Variants in INPP4B observed in about 807,000 individuals in gnomAD.
The protein encoded by INPP4B is inositol polyphosphate 4-phosphatase type II.
Under a neutral mutation model 122.5 loss-of-function variants are expected in INPP4B, and 55 were observed. That is an observed-to-expected ratio of 0.45 (90% CI 0.36 to 0.56). INPP4B has a LOEUF of 0.56. Ranked by LOEUF, INPP4B falls within the 20% of genes least tolerant of loss-of-function variation. The pLI, the probability that INPP4B is intolerant of heterozygous loss-of-function variation, is 0.00. For synonymous variants in INPP4B, 403 were observed against 388.7 expected (o/e 1.04, Z -0.43); for missense variants, 1,000 against 1,097.7 (o/e 0.91, Z 1.26).
chr4:142,421,506 T>C (rs987741693), intron 5 of INPP4B, among the ~76,000 whole-genome samples: 1 of 152,120 alleles, frequency 6.6e-6, no homozygotes, highest in African/African-American at 2.4e-5. Context: ...TAAAGACTTG[T>C]GTTCATTTAG....
chr4:142,450,732 G>C (rs952580064), intron 3 of INPP4B, among the ~76,000 whole-genome samples: 1 of 152,068 alleles, frequency 6.6e-6, no homozygotes, highest in Non-Finnish European at 1.5e-5. Flanking sequence ...AGATTACAAA[G>C]TAATTTCTTC....
intron 2 of INPP4B, among the ~76,000 whole-genome samples, chr4:142,536,341 T>C (rs1247500480): frequency 6.6e-6 from 1 of 152,182 alleles, no homozygotes; most frequent in African/African-American, 2.4e-5. Flanking sequence ...TTCTCCATTC[T>C]CTGCTTCAGA....
At chr4:142,525,494 C>T (rs1368856848) in intron 2 of INPP4B, among the ~76,000 whole-genome samples, 6 of 91,318 alleles carry the variant, frequency 6.6e-5, no homozygotes, top group African/African-American at 2.1e-4. Flanking sequence ...AACTATACTA[C>T]AAGGCTATAG....
chr4:142,336,788 G>A (rs1346497520), intron 7 of INPP4B, among the ~76,000 whole-genome samples: 4 of 152,208 alleles, frequency 2.6e-5, no homozygotes, highest in South Asian at 2.1e-4. Context: ...AGGCAGAGGC[G>A]CCACTGGCCA....
intron 2 of INPP4B, among the ~76,000 whole-genome samples, chr4:142,579,314 C>G (rs1425662623): frequency 6.6e-6 from 1 of 151,946 alleles, no homozygotes; most frequent in Non-Finnish European, 1.5e-5. Context: ...CAAAGATGGC[C>G]TTTCAGAGTT....
chr4:142,067,735 T>C (rs983880989), intron 25 of INPP4B, among the ~76,000 whole-genome samples: 13 of 151,988 alleles, frequency 8.6e-5, no homozygotes, highest in Admixed American at 2.0e-4. Flanking sequence ...GTATCAGTGA[T>C]TGAAGATTAA....
intron 2 of INPP4B, among the ~76,000 whole-genome samples, chr4:142,713,981 C>T (rs1763434484): frequency 6.6e-6 from 1 of 152,114 alleles, no homozygotes; most frequent in African/African-American, 2.4e-5. Flanking sequence ...TACATGAAAA[C>T]ATACACTAAA....
chr4:142,274,138 TA>T lies in INPP4B; in HGVS notation c.504-3365del, dbSNP rs535204374. On this transcript the variant is annotated intron_variant, in intron 9 of 25. Transcript: ENST00000262992. ...CCTATCAAGTTGGAAAGGCTAGTAATAATAGCTTAATCATTATTCATCACCA... is the reference window on the plus strand; with the variant it reads ...CCTATCAAGTTGGAAAGGCTAGTAATATAGCTTAATCATTATTCATCACCA... 2.6e-4 allele frequency among the ~76,000 whole-genome samples: 39 copies of T among 151,994 alleles called. 1 individual carries two copies. In the South Asian group the frequency reaches 7.3e-3, roughly 28 times the overall value.
intron 3 of INPP4B, among the ~76,000 whole-genome samples, chr4:142,444,962 A>C (rs905574718): frequency 7.2e-5 from 11 of 152,186 alleles, no homozygotes; most frequent in Admixed American, 5.9e-4. Context: ...GGAGTTGAAC[A>C]ATGAGAACAA....
At chr4:142,392,036 C>T (rs1797863642) in intron 7 of INPP4B, among the ~76,000 whole-genome samples, 2 of 152,272 alleles carry the variant, frequency 1.3e-5, no homozygotes, top group South Asian at 4.1e-4. Context: ...TCAACCTCTT[C>T]ACAATCTAGA....
chr4:142,332,355 T>A (rs957461716), intron 7 of INPP4B, among the ~76,000 whole-genome samples: 1 of 152,174 alleles, frequency 6.6e-6, no homozygotes, highest in African/African-American at 2.4e-5. Context: ...GTACAGATTT[T>A]GTAATAATAA....
chr4:142,269,678 G>T (rs1462913079), intron 10 of INPP4B, among the ~76,000 whole-genome samples: 3 of 152,238 alleles, frequency 2.0e-5, no homozygotes, highest in African/African-American at 7.2e-5. Context: ...ATAGTCCATT[G>T]TAGATTCCAA....
At chr4:142,530,197 T>A (rs1266774167) in intron 2 of INPP4B, among the ~76,000 whole-genome samples, 2 of 152,064 alleles carry the variant, frequency 1.3e-5, no homozygotes, top group East Asian at 3.9e-4. Context: ...TCCTGTCTTT[T>A]AAAAACCCAA....
rs1420926334 is a variant in INPP4B at position 142,202,794 on chromosome 4, G to GA, written c.1072+5630dup. On this transcript the variant is annotated intron_variant, in intron 14 of 25. Transcript: ENST00000262992. ...GAAAAACAACAAACAAAAACAATGA[G>GA]AGTGGGCGGGGCCGTGCTTGACAGG... The GA allele has an allele frequency of 8.1e-6, 8 of 985,234 alleles. No homozygotes were observed. The African/African-American group carries it at 1.4e-4, about 17-fold the overall frequency. 61.0% of individuals were successfully genotyped at this position (985,234 alleles called of 1,614,324 possible).
rs111289453 is a variant in INPP4B at position 142,563,154 on chromosome 4, T to C, written c.-190-100428A>G. 1.4e-3 allele frequency among the ~76,000 whole-genome samples: 219 copies of C among 152,316 alleles called. 1 individual carries two copies. The highest frequency in any genetic ancestry group is 5.0e-3 in the African/African-American group (206 of 41,578). On this transcript the variant is annotated intron_variant, in intron 2 of 25. Transcript: ENST00000262992. ...CTGATATGACAGAATGAAAGCAGGA[T>C]TTTGTCAATTTTTTTAAGGCAGAAA...
chr4:142,332,612 T>G (rs1375271606), intron 7 of INPP4B, among the ~76,000 whole-genome samples: 1 of 152,074 alleles, frequency 6.6e-6, no homozygotes, highest in Non-Finnish European at 1.5e-5. Context: ...CATGTAAAGT[T>G]AAGAAAACTG....
intron 7 of INPP4B, among the ~76,000 whole-genome samples, chr4:142,351,475 A>T (rs764859325): frequency 1.4e-4 from 21 of 151,998 alleles, no homozygotes; most frequent in African/African-American, 5.1e-4. Context: ...GATTGATTCA[A>T]TCACCCTATA....
At chr4:142,235,120 T>C (rs1478645384) in intron 12 of INPP4B, among the ~76,000 whole-genome samples, 3 of 152,122 alleles carry the variant, frequency 2.0e-5, no homozygotes, top group Admixed American at 1.3e-4. Context: ...ACTTTGAAGA[T>C]AGCACTGTGA....
chr4:142,394,445 A>G (rs1393199021), intron 7 of INPP4B, among the ~76,000 whole-genome samples: 1 of 152,098 alleles, frequency 6.6e-6, no homozygotes, highest in Admixed American at 6.6e-5. Context: ...GCACCTGGCC[A>G]AAGTTTCACT....
Sources: allele counts gnomAD v4.1 joint callset (sites outside exome capture counted in the v4.1 genomes callset), GRCh38; gene constraint gnomAD v4.1.1; transcripts MANE v1.5; gene names NCBI Gene and HGNC (gene_info 2026-07-23, HGNC 2026-07-21).